The following TYW1B variants were observed in gnomAD, a reference collection of about 807,000 sequenced individuals.
TYW1B encodes the protein S-adenosyl-L-methionine-dependent tRNA 4-demethylwyosine synthase TYW1B.
A neutral mutation model predicts 86.9 loss-of-function variants in TYW1B; 73 were observed. That is an observed-to-expected ratio of 0.84 (90% CI 0.70 to 1.02). The LOEUF is 1.02. Ranked by LOEUF, TYW1B falls within the 50% of genes least tolerant of loss-of-function variation. TYW1B has a pLI of 0.00. For synonymous variants in TYW1B, 248 were observed against 292.8 expected (o/e 0.85, Z 1.56); for missense variants, 637 against 827.4 (o/e 0.77, Z 2.82).
chr7:72,630,149 T>C (rs1293537129), intron 11 of TYW1B, among the ~76,000 whole-genome samples: 2 of 151,968 alleles, frequency 1.3e-5, no homozygotes, highest in Non-Finnish European at 2.9e-5. Flanking sequence ...CGTGGCGGCG[T>C]GCACCTGTAA....
At chr7:72,790,635 CTG>C (rs1788204472) in intron 6 of TYW1B, among the ~76,000 whole-genome samples, 1 of 152,214 alleles carries the variant, frequency 6.6e-6, no homozygotes, top group Non-Finnish European at 1.5e-5. Flanking sequence ...CTGCCAGACC[CTG>C]TACACAACTC....
At chr7:72,636,016 A>G (rs1294275965) in intron 11 of TYW1B, among the ~76,000 whole-genome samples, 1 of 152,244 alleles carries the variant, frequency 6.6e-6, no homozygotes, top group Non-Finnish European at 1.5e-5. Flanking sequence ...TGGCTACCAT[A>G]ATTAAATATA....
At chr7:72,803,760 T>G (rs1431561455) in intron 5 of TYW1B, among the ~76,000 whole-genome samples, 1 of 151,780 alleles carries the variant, frequency 6.6e-6, no homozygotes, top group Non-Finnish European at 1.5e-5. Flanking sequence ...ACTACAGGCA[T>G]GCACCATCAC....
chr7:72,790,208 A>G lies in TYW1B; in HGVS notation c.846+12192T>C, dbSNP rs1425565658. On this transcript the variant is annotated intron_variant, in intron 6 of 13. Coordinates refer to ENST00000620995, the MANE Select transcript of TYW1B (RefSeq NM_001145440.3). ...TGATCCACCTGCCTCGGCCTCCCAAAATGCTGGGATGACAGGTGTGAGCCA... is the reference window on the plus strand; with the variant it reads ...TGATCCACCTGCCTCGGCCTCCCAAGATGCTGGGATGACAGGTGTGAGCCA... Among the ~76,000 whole-genome samples the G allele has an allele frequency of 4.0e-5, 6 of 151,894 alleles. 1 individual carries two copies. Among genetic ancestry groups the G allele is most frequent in the East Asian group, 3.9e-4 (2 of 5,170 alleles).
intron 11 of TYW1B, among the ~76,000 whole-genome samples, chr7:72,651,096 A>G (rs1268672382): frequency 2.0e-5 from 3 of 152,230 alleles, no homozygotes; most frequent in Non-Finnish European, 4.4e-5. Flanking sequence ...GGCTTACTAT[A>G]AAGCTATGCT....
intron 7 of TYW1B, among the ~76,000 whole-genome samples, chr7:72,776,536 G>A (rs1554470580): frequency 5.1e-5 from 6 of 116,974 alleles, no homozygotes; most frequent in Non-Finnish European, 9.9e-5. Context: ...ACTCCAGACT[G>A]GGTGAGAGAG....
At chr7:72,760,540 TATTGTATGTTGTG>T (rs1264647578) in intron 7 of TYW1B, among the ~76,000 whole-genome samples, 1 of 152,238 alleles carries the variant, frequency 6.6e-6, no homozygotes, top group Non-Finnish European at 1.5e-5. Flanking sequence ...TATGCACATG[TATTGTATGTTGTG>T]TCTACATTGT....
At chr7:72,776,847 C>G (rs1193013401) in intron 7 of TYW1B, among the ~76,000 whole-genome samples, 1 of 151,396 alleles carries the variant, frequency 6.6e-6, no homozygotes, top group Non-Finnish European at 1.5e-5. Flanking sequence ...CTCTAGTGTA[C>G]CAGACCGACA....
At chr7:72,639,195 C>A (rs1812741028) in intron 11 of TYW1B, among the ~76,000 whole-genome samples, 1 of 151,928 alleles carries the variant, frequency 6.6e-6, no homozygotes, top group African/African-American at 2.4e-5. Flanking sequence ...CATTAAAATG[C>A]ATTGTTAATT....
chr7:72,762,036 A>T (rs1268074346), intron 7 of TYW1B, among the ~76,000 whole-genome samples: 11 of 152,288 alleles, frequency 7.2e-5, no homozygotes, highest in Non-Finnish European at 1.6e-4. Context: ...TATGCTAAAA[A>T]TACACTAATA....
intron 10 of TYW1B, among the ~76,000 whole-genome samples, chr7:72,701,597 A>G (rs1347228782): frequency 1.2e-4 from 19 of 152,066 alleles, no homozygotes; most frequent in Non-Finnish European, 1.8e-4. Flanking sequence ...CAACTCCGGA[A>G]ATCAGATACC....
At chr7:72,806,104 G>A (rs532146849) in intron 5 of TYW1B, among the ~76,000 whole-genome samples, 12 of 152,236 alleles carry the variant, frequency 7.9e-5, no homozygotes, top group Middle Eastern at 6.8e-3. Context: ...TCAGGATAAT[G>A]AGACGTGAGC....
chr7:72,616,712 T>C lies in TYW1B; in HGVS notation c.1745A>G (p.Glu582Gly), dbSNP rs782071422. ...DLIPEYEIACEHEHSNCLLIA... is the reference protein window; with the variant it reads ...DLIPEYEIACGHEHSNCLLIA... ...CAGGAGGCAATTAGAGTGTTCGTGT[T>C]CACATGCAATTTCATATTCGGGGAT... The change falls in exon 13 of 14, where the codon GAA becomes GGA. Residue 582 changes from glutamate to glycine, a missense_variant. Physicochemically the swap from Glu to Gly is moderately conservative, Grantham distance 98. Coordinates refer to ENST00000620995, the MANE Select transcript of TYW1B (RefSeq NM_001145440.3). The C allele has an allele frequency of 1.2e-6, 2 of 1,614,202 alleles. No individual in the cohort carries two copies. The highest frequency in any genetic ancestry group is 1.7e-6 in the Non-Finnish European group (2 of 1,180,028).
rs556936371 is a variant in TYW1B at position 72,688,415 on chromosome 7, A to C, written c.1506+6272T>G. 3.3e-5 allele frequency among the ~76,000 whole-genome samples: 5 copies of C among 152,158 alleles called. No homozygotes were observed. In the South Asian group the frequency reaches 6.2e-4, roughly 19 times the overall value. ...GCTTCCACACAAAACACTGCACCAT[A>C]CTTTCTTTTTGACATAGTAATTAAA... On this transcript the variant is annotated intron_variant, in intron 11 of 13. Coordinates refer to ENST00000620995, the MANE Select transcript of TYW1B (RefSeq NM_001145440.3).
intron 8 of TYW1B, among the ~76,000 whole-genome samples, chr7:72,732,187 G>A (rs1289305655): frequency 1.3e-5 from 2 of 152,036 alleles, no homozygotes; most frequent in Non-Finnish European, 2.9e-5. Flanking sequence ...CATAATAGTC[G>A]GGGGCATCAA....
chr7:72,704,666 T>C (rs1554453322), intron 10 of TYW1B, among the ~76,000 whole-genome samples: 1 of 152,084 alleles, frequency 6.6e-6, no homozygotes, highest in Non-Finnish European at 1.5e-5. Context: ...TTACTTAGCC[T>C]GCCTTGCCAA....
intron 6 of TYW1B, among the ~76,000 whole-genome samples, chr7:72,799,919 C>T (rs61470193): frequency 0.69 from 104,362 of 151,990 alleles, 36,741 homozygotes; most frequent in Non-Finnish European, 0.77. Context: ...AATATTTTTT[C>T]ATTGCTTCTA....
intron 10 of TYW1B, among the ~76,000 whole-genome samples, chr7:72,702,338 C>T (rs1213220749): frequency 6.6e-6 from 1 of 152,118 alleles, no homozygotes; most frequent in Non-Finnish European, 1.5e-5. Flanking sequence ...TTGCCCCCTC[C>T]CACAGCTGCC....
rs1356276990 is a variant in TYW1B at position 72,786,604 on chromosome 7, C to T, written c.847-9071G>A. Among the ~76,000 whole-genome samples the T allele has an allele frequency of 3.6e-5, 5 of 139,128 alleles. No individual in the cohort carries two copies. The Admixed American group carries it at 3.9e-4, about 11-fold the overall frequency. The allele number at this position is 139,128 out of a possible 152,430, so 91.3% of individuals were successfully genotyped here. On this transcript the variant is annotated intron_variant, in intron 6 of 13. Coordinates refer to ENST00000620995, the MANE Select transcript of TYW1B (RefSeq NM_001145440.3). Reference sequence around the variant, plus strand: ...TTTTTTTTTTTTTTTGAGATAGGGTCTCGCTCTGTCACCCAGGCTGGAGTG... The same window carrying T: ...TTTTTTTTTTTTTTTGAGATAGGGTTTCGCTCTGTCACCCAGGCTGGAGTG...
Sources: allele counts gnomAD v4.1 joint callset (sites outside exome capture counted in the v4.1 genomes callset), GRCh38; gene constraint gnomAD v4.1.1; transcripts MANE v1.5; gene names NCBI Gene and HGNC (gene_info 2026-07-23, HGNC 2026-07-21).